The following PRPF39 variants were observed in gnomAD, a reference collection of about 807,000 sequenced individuals.
PRPF39 encodes the protein pre-mRNA processing factor 39, also known as pre-mRNA-processing factor 39.
Under a neutral mutation model 82.1 loss-of-function variants are expected in PRPF39, and 27 were observed. The ratio of observed to expected loss-of-function variants is 0.33; its 90% confidence interval spans 0.24 to 0.45. PRPF39 has a LOEUF of 0.45. Among genes scored for constraint, PRPF39 ranks in the 20% least tolerant of loss-of-function variants. The pLI is 1.00. For synonymous variants in PRPF39, 261 were observed against 256.4 expected, an observed-to-expected ratio of 1.02 and a Z score of -0.17; for missense variants, 581 against 796.9, an observed-to-expected ratio of 0.73 and a Z score of 3.26.
At chr14:45,101,900 G>A (rs186266566) in intron 4 of PRPF39, among the ~76,000 whole-genome samples, 15 of 151,094 alleles carry the variant, frequency 9.9e-5, no homozygotes, top group East Asian at 7.8e-4. Flanking sequence ...TCCGCCTGCC[G>A]GGTTCAAGCA....
chr14:45,109,441 T>TC (rs145672125), intron 7 of PRPF39, among the ~76,000 whole-genome samples, 175 bp from the exon 8 acceptor site: 9,288 of 152,252 alleles, frequency 0.061, 960 homozygotes, highest in African/African-American at 0.21. Flanking sequence ...TTATTTCATT[T>TC]GTTTGTAAAG....
Position 45,095,372 on chromosome 14 carries a change from C to T in PRPF39, c.133C>T (p.Pro45Ser), listed in dbSNP as rs755413022. ...IMNVTEMEQS[P>S]DDSPNVNAST... ...GAACGTTACAGAAATGGAACAGTCA[C>T]CTGATGACTCTCCCAATGTGAATGC... The change falls in exon 2 of 14, where the codon CCT (proline) becomes TCT (serine). Residue 45 changes from proline to serine, a missense_variant. Transcript: ENST00000355765. 6 of 1,613,860 alleles carry T rather than the reference C, an allele frequency of 3.7e-6. No individual in the cohort carries two copies. Among genetic ancestry groups the T allele is most frequent in the East Asian group, 4.5e-5 (2 of 44,872 alleles).
chr14:45,096,489 A>T, intron 3 of PRPF39: 1 of 1,456,066 alleles, frequency 6.9e-7, no homozygotes, highest in Non-Finnish European at 9.2e-7. Flanking sequence ...CTGCAGCTTA[A>T]CAAGTAGGGC....
At chr14:45,087,703 AGCTGGGACTACAG>A (rs1883879870) in intron 1 of PRPF39, among the ~76,000 whole-genome samples, 1 of 150,932 alleles carries the variant, frequency 6.6e-6, no homozygotes, top group Non-Finnish European at 1.5e-5. Flanking sequence ...CCTCCTGAGA[AGCTGGGACTACAG>A]GCGCCCGTCA....
chr14:45,110,593 T>A lies in PRPF39; in HGVS notation c.1348T>A (p.Cys450Ser), dbSNP rs200143415. The A allele has an allele frequency of 5.7e-6, 9 of 1,568,164 alleles. No homozygotes were observed. Among genetic ancestry groups the A allele is most frequent in the East Asian group, 4.7e-5 (2 of 42,948 alleles). ...GAATATCTTGAAAACATTTGAAGAA[T>A]GTGTTCTAGGATTGGCAATGGTTCG... Reference protein sequence around the residue: ...ARNILKTFEECVLGLAMVRLR... With the variant: ...ARNILKTFEESVLGLAMVRLR... Residue 450 changes from cysteine (C) to serine (S), a missense_variant, in exon 10 of 14, where the codon TGT (cysteine) becomes AGT (serine). Physicochemically the swap from Cys to Ser is moderately radical, Grantham distance 112 (BLOSUM62 -1). Transcript: ENST00000355765. The surrounding 1 kb of genome is among the most constrained non-coding windows in gnomAD (Gnocchi z 4.0).
chr14:45,096,711 C>T (rs1388432755), intron 3 of PRPF39, 176 bp from the exon 4 acceptor site: 11 of 1,525,670 alleles, frequency 7.2e-6, no homozygotes, highest in Admixed American at 2.0e-5. Context: ...AGACTCTGCA[C>T]GTGGGGATCA....
At chr14:45,109,554 T>G in intron 7 of PRPF39, 62 bp from the exon 8 acceptor site, 1 of 1,389,710 alleles carries the variant, frequency 7.2e-7, no homozygotes. Flanking sequence ...ATTAACACTG[T>G]ACATGTGCAT....
At chr14:45,092,255 G>A (rs182939383) in intron 1 of PRPF39, among the ~76,000 whole-genome samples, 25 of 152,170 alleles carry the variant, frequency 1.6e-4, no homozygotes, top group Admixed American at 5.9e-4. Context: ...AGGGATATTG[G>A]GTAGGCAACT....
chr14:45,104,565 G>A (rs375154555), intron 5 of PRPF39, among the ~76,000 whole-genome samples: 5 of 152,162 alleles, frequency 3.3e-5, no homozygotes, highest in South Asian at 2.1e-4. Flanking sequence ...TTGCCTGTGA[G>A]TTGGTCAGAA....
chr14:45,094,076 G>T (rs984882108), intron 1 of PRPF39, among the ~76,000 whole-genome samples: 3 of 151,474 alleles, frequency 2.0e-5, no homozygotes, highest in African/African-American at 7.3e-5. Flanking sequence ...TTGCATTATT[G>T]TCTTTAAAGT....
At chr14:45,101,043 C>CT (rs1027931838) in intron 4 of PRPF39, among the ~76,000 whole-genome samples, 74 of 152,266 alleles carry the variant, frequency 4.9e-4, no homozygotes, top group Admixed American at 8.5e-4. Flanking sequence ...ACATTGATCT[C>CT]TTTTTTGTTT....
chr14:45,096,869 T>G lies in PRPF39; in HGVS notation c.451-18T>G, dbSNP rs554275766. ...AATAATTAAATATTTGAAGTACAGT[T>G]TGCTGTTTTCTTCTTAGGTTTATCG... On this transcript the variant is annotated intron_variant, in intron 3 of 13. Transcript: ENST00000355765. The G allele has an allele frequency of 3.9e-6, 6 of 1,541,214 alleles. No individual in the cohort carries two copies. The African/African-American group carries it at 4.1e-5, about 11-fold the overall frequency.
Position 45,095,575 on chromosome 14 carries a change from T to A in PRPF39, c.324+12T>A. The A allele has an allele frequency of 6.4e-7, 1 of 1,565,816 alleles. No individual in the cohort carries two copies. The highest frequency in any genetic ancestry group is 8.7e-7 in the Non-Finnish European group (1 of 1,155,298). ...ATGTAGAACAGGAGGTTAGTAACTA[T>A]TAAAATGGTATCAGAAGGGACAAAT... On this transcript the variant is annotated intron_variant, in intron 2 of 13. Coordinates refer to ENST00000355765, the MANE Select transcript of PRPF39 (RefSeq NM_017922.4).
At position 45,107,588 on chromosome 14, in the gene PRPF39, G is replaced by C. The variant is rs1245660542; in HGVS notation, c.875G>C (p.Gly292Ala). 6.4e-7 allele frequency: 1 copy of C among 1,552,248 alleles called. No homozygotes were observed. Among genetic ancestry groups the C allele is most frequent in the African/African-American group, 1.4e-5 (1 of 73,042 alleles). ...DGPPGDDLPSGIEDITDPAKL... is the reference protein window; with the variant it reads ...DGPPGDDLPSAIEDITDPAKL... ...CCTCCTGGTGATGATCTACCATCGG[G>C]AATTGAAGACATAACCGATCCTGCA... The change falls in exon 6 of 14, where the codon GGA (glycine) becomes GCA (alanine). Residue 292 changes from glycine to alanine, a missense_variant. Transcript: ENST00000355765.
Position 45,107,604 on chromosome 14 carries a change from C to T in PRPF39, c.891C>T (p.Thr297=), listed in dbSNP as rs527378068. ...TACCATCGGGAATTGAAGACATAAC[C>T]GATCCTGCAAAGGTAACCAGTCTTA... ...DDLPSGIEDI[T]DPAKLITEIE... Residue 297 remains threonine, a synonymous_variant, in exon 6 of 14, where the codon ACC becomes ACT. Transcript: ENST00000355765. 50 of 1,551,756 alleles carry T rather than the reference C, an allele frequency of 3.2e-5. No homozygotes were observed. Among genetic ancestry groups the T allele is most frequent in the Non-Finnish European group, 4.0e-5 (46 of 1,146,802 alleles).
intron 11 of PRPF39, 106 bp from the exon 12 acceptor site, chr14:45,114,077 C>A (rs578055396): frequency 6.6e-6 from 5 of 756,496 alleles, no homozygotes; most frequent in Non-Finnish European, 1.0e-5. Flanking sequence ...ATAAAGGAGC[C>A]GCTTAGAAAT....
chr14:45,114,909 C>T lies in PRPF39; in HGVS notation c.2006C>T (p.Thr669Ile), dbSNP rs764441033. 5 of 1,592,480 alleles carry T rather than the reference C, an allele frequency of 3.1e-6. No individual in the cohort carries two copies. The South Asian group carries it at 5.5e-5, about 18-fold the overall frequency. Residue 669 changes from threonine (T) to isoleucine (I), a missense_variant, in exon 14 of 14, where the codon ACC becomes ATC. Physicochemically the swap from Thr to Ile is moderately conservative, Grantham distance 89. Transcript: ENST00000355765. ...NYGQYYPPPP[T>I] Reference sequence around the variant, plus strand: ...GGACAATATTATCCTCCCCCTCCAACCTGATGGGAAAAATGTAAATTTCAA... The same window carrying T: ...GGACAATATTATCCTCCCCCTCCAATCTGATGGGAAAAATGTAAATTTCAA...
Position 45,107,463 on chromosome 14 carries a change from T to G in PRPF39, c.750T>G (p.His250Gln). 1 of 1,542,202 alleles carries G rather than the reference T, an allele frequency of 6.5e-7. No homozygotes were observed. The highest frequency in any genetic ancestry group is 1.2e-5 in the South Asian group (1 of 84,510). ...YSHHFQRFKE[H>Q]VQNNLPRDLL... The stretch of plus-strand genomic sequence containing the variant: ...TGTCTTCCTTTAGATTTAAAGAACA[T>G]GTACAGAATAATTTGCCTAGAGATC... The change falls in exon 6 of 14, where the codon CAT becomes CAG. Residue 250 changes from histidine (H) to glutamine (Q), a missense_variant. Coordinates refer to ENST00000355765, the MANE Select transcript of PRPF39 (RefSeq NM_017922.4).
chr14:45,096,388 G>A, intron 3 of PRPF39, 160 bp downstream of exon 3: 1 of 1,519,158 alleles, frequency 6.6e-7, no homozygotes, highest in Non-Finnish European at 8.9e-7. Flanking sequence ...CACTCTTGTG[G>A]CATTTGTAGC....
Sources: gnomAD v4.1 joint callset for allele counts (sites outside exome capture counted in the v4.1 genomes callset) on GRCh38, gnomAD v4.1.1 for gene constraint, Gnocchi (gnomAD v3.1) non-coding constraint, MANE v1.5 for transcripts, NCBI Gene and HGNC (gene_info 2026-07-23, HGNC 2026-07-21) for gene names.